STK3: variants seen among roughly 807,000 people sequenced by gnomAD.
STK3 encodes serine/threonine kinase 3, also known as serine/threonine-protein kinase 3.
A neutral mutation model predicts 58.0 loss-of-function variants in STK3; 41 were observed. The observed-to-expected ratio is 0.71, with a 90% CI of 0.55 to 0.92. The LOEUF is 0.92. Among genes scored for constraint, STK3 ranks in the 40% least tolerant of loss-of-function variants. The pLI, the probability that STK3 is intolerant of heterozygous loss-of-function variation, is 0.00. For synonymous variants in STK3, 170 were observed against 191.0 expected, an observed-to-expected ratio of 0.89 and a Z score of 0.91; for missense variants, 479 against 602.7, an observed-to-expected ratio of 0.79 and a Z score of 2.15.
downstream of STK3, among the ~76,000 whole-genome samples, chr8:98,367,562 T>A (rs1563585014): frequency 6.6e-6 from 1 of 152,214 alleles, no homozygotes; most frequent in African/African-American, 2.4e-5. Context: ...GCCTGTCTAC[T>A]GAATGGCCAT....
intron 10 of STK3, among the ~76,000 whole-genome samples, chr8:98,515,933 T>A (rs2131427790): frequency 6.6e-6 from 1 of 152,204 alleles, no homozygotes; most frequent in Admixed American, 6.6e-5. Flanking sequence ...AGGAAAGTGC[T>A]TTAAAAAGTA....
chr8:98,797,476 C>G (rs191498539), intron 1 of STK3, among the ~76,000 whole-genome samples: 1 of 152,148 alleles, frequency 6.6e-6, no homozygotes, highest in Non-Finnish European at 1.5e-5. Context: ...ATCCCAGAAG[C>G]CTTTCTGGTA....
At chr8:98,492,037 A>G (rs112048186) in intron 10 of STK3, among the ~76,000 whole-genome samples, 9,604 of 152,324 alleles carry the variant, frequency 0.063, 439 homozygotes, top group Non-Finnish European at 0.1. Context: ...ATTACTGGCT[A>G]AGACAGAAAC....
chr8:98,562,143 A>C (rs1394768274), intron 8 of STK3, among the ~76,000 whole-genome samples: 3 of 152,216 alleles, frequency 2.0e-5, no homozygotes, highest in Non-Finnish European at 4.4e-5. Context: ...AGATCCAGCA[A>C]CTATGATCCT....
intron 6 of STK3, among the ~76,000 whole-genome samples, chr8:98,605,462 G>C (rs1165638782): frequency 6.9e-6 from 1 of 144,986 alleles, no homozygotes; most frequent in African/African-American, 2.6e-5. Flanking sequence ...TTGAGGCAGA[G>C]TTTCACTCTT....
At chr8:98,720,121 A>T (rs1050583148) in intron 4 of STK3, among the ~76,000 whole-genome samples, 2 of 152,238 alleles carry the variant, frequency 1.3e-5, no homozygotes, top group African/African-American at 4.8e-5. Context: ...ATGAAATGAA[A>T]GGTTCCTATC....
chr8:98,621,432 G>C (rs770980681), intron 6 of STK3, among the ~76,000 whole-genome samples: 10 of 152,046 alleles, frequency 6.6e-5, no homozygotes, highest in Non-Finnish European at 1.0e-4. Context: ...AGAACTCCCA[G>C]TACTGTGCTG....
At chr8:98,374,473 G>T (rs1817652282) in intron 2 of STK3, among the ~76,000 whole-genome samples, 1 of 152,238 alleles carries the variant, frequency 6.6e-6, no homozygotes, top group Admixed American at 6.5e-5. Flanking sequence ...TGAAACATTA[G>T]TTCAAATGTG....
intron 9 of STK3, among the ~76,000 whole-genome samples, chr8:98,539,191 G>A (rs959510534): frequency 6.6e-6 from 1 of 152,130 alleles, no homozygotes; most frequent in African/African-American, 2.4e-5. Flanking sequence ...AAGGCTGTAC[G>A]ATTCTGGGAG....
chr8:98,667,205 A>G (rs1324113000), intron 6 of STK3, among the ~76,000 whole-genome samples: 1 of 152,150 alleles, frequency 6.6e-6, no homozygotes, highest in Admixed American at 6.5e-5. Flanking sequence ...TTTTACTCCA[A>G]CATGAGTTCA....
intron 1 of STK3, among the ~76,000 whole-genome samples, chr8:98,925,239 T>C (rs1019727833): frequency 3.3e-5 from 5 of 152,258 alleles, no homozygotes; most frequent in African/African-American, 1.2e-4. Flanking sequence ...GATCTTTCTG[T>C]TGGCTCAACA....
At chr8:98,782,418 G>A (rs1197837985) in intron 1 of STK3, 4 of 251,352 alleles carry the variant, frequency 1.6e-5, no homozygotes, top group Non-Finnish European at 2.4e-5. Context: ...GTACCTGAAG[G>A]TAAAGGGGAG....
At chr8:98,726,298 G>A (rs914418566) in intron 4 of STK3, among the ~76,000 whole-genome samples, 1 of 152,190 alleles carries the variant, frequency 6.6e-6, no homozygotes, top group Non-Finnish European at 1.5e-5. Context: ...AGGTAGAAGG[G>A]ATAGTCTATG....
intron 1 of STK3, chr8:98,904,831 T>A (rs1838826035): frequency 1.5e-6 from 1 of 663,292 alleles, no homozygotes; most frequent in Non-Finnish European, 2.9e-6. Flanking sequence ...GCACAAGAAC[T>A]TGGCAATAGG....
Position 98,485,140 on chromosome 8 carries a change from C to T in STK3, c.1318-29140G>A, listed in dbSNP as rs1586677973. ...CCTATAATCCCAGCCACTTGGGAGG[C>T]TGAGGCAGGAGAATCACTTGAACCC... On this transcript the variant is annotated intron_variant, in intron 10 of 10. Coordinates refer to ENST00000419617, the MANE Select transcript of STK3 (RefSeq NM_006281.4). 2.0e-5 allele frequency among the ~76,000 whole-genome samples: 3 copies of T among 152,104 alleles called. 1 individual carries two copies. The highest frequency in any genetic ancestry group is 2.0e-4 in the Admixed American group (3 of 15,280).
At chr8:98,492,906 A>C (rs1822813322) in intron 10 of STK3, among the ~76,000 whole-genome samples, 1 of 151,410 alleles carries the variant, frequency 6.6e-6, no homozygotes, top group Non-Finnish European at 1.5e-5. Context: ...CAATCCTCCA[A>C]TTCCTGCCAT....
At chr8:98,537,887 C>T (rs1464879558) in intron 9 of STK3, among the ~76,000 whole-genome samples, 3 of 152,116 alleles carry the variant, frequency 2.0e-5, no homozygotes, top group African/African-American at 7.2e-5. Flanking sequence ...TACAAGTAAA[C>T]TAAATTGTGA....
intron 10 of STK3, among the ~76,000 whole-genome samples, chr8:98,526,094 G>A (rs565081194): frequency 1.8e-4 from 27 of 151,920 alleles, no homozygotes; most frequent in African/African-American, 5.3e-4. Flanking sequence ...AACTCATTTT[G>A]AGAATTTACT....
At chr8:98,752,536 T>C (rs1414096827) in intron 3 of STK3, among the ~76,000 whole-genome samples, 3 of 151,826 alleles carry the variant, frequency 2.0e-5, no homozygotes, top group African/African-American at 2.4e-5. Flanking sequence ...ATCCAGGACA[T>C]AGGCAAAGAT....
Sources: gnomAD v4.1 joint callset for allele counts (sites outside exome capture counted in the v4.1 genomes callset) on GRCh38, gnomAD v4.1.1 for gene constraint, MANE v1.5 for transcripts, NCBI Gene and HGNC (gene_info 2026-07-23, HGNC 2026-07-21) for gene names.